PPP6C: variants seen among roughly 807,000 people sequenced by gnomAD.
The protein encoded by PPP6C is protein phosphatase 6 catalytic subunit.
Under a neutral mutation model 39.8 loss-of-function variants are expected in PPP6C, and 11 were observed. The ratio of observed to expected loss-of-function variants is 0.28; its 90% CI spans 0.17 to 0.46. PPP6C has a LOEUF of 0.46. PPP6C is among the 20% of genes least tolerant of loss of function. The probability of loss-of-function intolerance (pLI) is 1.00; values close to 1 mark genes in which losing one functional copy is unlikely to be tolerated. For missense variants in PPP6C, 211 were observed against 373.9 expected, an observed-to-expected ratio of 0.56 and a Z score of 3.59; for synonymous variants, 129 against 130.3, an observed-to-expected ratio of 0.99 and a Z score of 0.07.
chr9:125,166,829 C>T (rs1013345025), intron 2 of PPP6C, among the ~76,000 whole-genome samples: 1 of 152,082 alleles, frequency 6.6e-6, no homozygotes, highest in Non-Finnish European at 1.5e-5. Flanking sequence ...ACTACTTTTC[C>T]TTGAGTAAAC....
At chr9:125,183,911 A>G (rs548524199) in intron 1 of PPP6C, among the ~76,000 whole-genome samples, 60 of 152,234 alleles carry the variant, frequency 3.9e-4, no homozygotes, top group Non-Finnish European at 5.9e-4. Flanking sequence ...CAAGTATCCA[A>G]TTCTGCCCCT....
chr9:125,160,595 T>C (rs1027022200), intron 3 of PPP6C, among the ~76,000 whole-genome samples: 62 of 152,230 alleles, frequency 4.1e-4, no homozygotes, highest in African/African-American at 1.4e-3. Flanking sequence ...TTGGTCCTCC[T>C]TGCCTTCTGC....
At chr9:125,167,992 G>A (rs1012343217) in intron 2 of PPP6C, among the ~76,000 whole-genome samples, 2 of 152,196 alleles carry the variant, frequency 1.3e-5, no homozygotes, top group African/African-American at 4.8e-5. Context: ...AGGATTGAGA[G>A]TTAAGTGAAA....
At chr9:125,182,911 G>A (rs996308381) in intron 1 of PPP6C, among the ~76,000 whole-genome samples, 1 of 151,828 alleles carries the variant, frequency 6.6e-6, no homozygotes. Context: ...TTAGAACAGT[G>A]TTTAGAGCAC....
chr9:125,162,433 G>A (rs1828898086), intron 2 of PPP6C, among the ~76,000 whole-genome samples: 1 of 141,958 alleles, frequency 7.0e-6, no homozygotes, highest in Non-Finnish European at 1.5e-5. Flanking sequence ...ACTCCAGCCT[G>A]GGCAACAGAG....
At chr9:125,155,106 A>G (rs1188838726) in intron 4 of PPP6C, among the ~76,000 whole-genome samples, 1 of 151,994 alleles carries the variant, frequency 6.6e-6, no homozygotes, top group Admixed American at 6.6e-5. Flanking sequence ...GGATCTCCCT[A>G]TGTTGTCCAG....
At chr9:125,182,686 T>G (rs1222635130) in intron 1 of PPP6C, among the ~76,000 whole-genome samples, 1 of 150,504 alleles carries the variant, frequency 6.6e-6, no homozygotes. Flanking sequence ...CACTACTAAT[T>G]ATTCATTGCA....
intron 6 of PPP6C, chr9:125,151,605 G>A (rs1381330332): frequency 6.8e-6 from 5 of 739,554 alleles, no homozygotes; most frequent in South Asian, 1.4e-5. Flanking sequence ...AGTAACTTCT[G>A]AGGCTTTTTA....
At chr9:125,151,712 C>T in intron 6 of PPP6C, 1 of 437,402 alleles carries the variant, frequency 2.3e-6, no homozygotes, top group Non-Finnish European at 4.3e-6. Flanking sequence ...CTATATCCCA[C>T]ATCAGGTATA....
intron 2 of PPP6C, among the ~76,000 whole-genome samples, chr9:125,163,816 T>G (rs879482580): frequency 2.0e-5 from 3 of 151,986 alleles, no homozygotes; most frequent in Non-Finnish European, 4.4e-5. Flanking sequence ...CAGTGATACA[T>G]AGGTTCCCAT....
At position 125,149,695 on chromosome 9, in the gene PPP6C, G is replaced by A. The variant is rs144776498; in HGVS notation, c.896C>T (p.Thr299Met). Residue 299 changes from threonine (T) to methionine (M), a missense_variant, in exon 7 of 7, where the codon ACG becomes ATG. By Grantham distance (81) the Thr-to-Met change is moderately conservative. Coordinates refer to ENST00000373547, the MANE Select transcript of PPP6C (RefSeq NM_002721.5). ...GCCTCAAAGGAAATATGGCGTTGTC[G>A]TTCTGGGAGGAATAACACGTTCTGA... ...PDSERVIPPR[T>M]TTPYFL 6.0e-5 allele frequency: 97 copies of A among 1,613,946 alleles called. No individual in the cohort carries two copies. Among genetic ancestry groups the A allele is most frequent in the Non-Finnish European group, 8.1e-5 (96 of 1,179,972 alleles).
chr9:125,171,476 CACATATAT>C (rs1312924790), intron 1 of PPP6C, among the ~76,000 whole-genome samples: 501 of 57,112 alleles, frequency 8.8e-3, no homozygotes, highest in African/African-American at 0.019. Flanking sequence ...CACACACACA[CACATATAT>C]ATATATATAT....
At chr9:125,174,115 T>C (rs1018597131) in intron 1 of PPP6C, among the ~76,000 whole-genome samples, 1 of 152,146 alleles carries the variant, frequency 6.6e-6, no homozygotes, top group African/African-American at 2.4e-5. Flanking sequence ...GAGACCAGTT[T>C]GTACTATTGC....
intron 2 of PPP6C, among the ~76,000 whole-genome samples, chr9:125,163,070 C>T (rs552381764): frequency 1.3e-5 from 2 of 151,694 alleles, no homozygotes; most frequent in South Asian, 4.2e-4. Flanking sequence ...CACAGCAAGA[C>T]TCTGTCTCAA....
At chr9:125,188,961 G>C (rs1033150818) in intron 1 of PPP6C, 3 of 1,544,194 alleles carry the variant, frequency 1.9e-6, no homozygotes, top group African/African-American at 2.7e-5. Context: ...AGTTAAGAAG[G>C]GGTTAAGGAG....
At chr9:125,153,165 C>G (rs955372651) in intron 6 of PPP6C, among the ~76,000 whole-genome samples, 11 of 151,876 alleles carry the variant, frequency 7.2e-5, no homozygotes, top group African/African-American at 2.7e-4. Context: ...CCCAGCTACT[C>G]AGGAGGCTGA....
intron 1 of PPP6C, among the ~76,000 whole-genome samples, chr9:125,175,707 A>G (rs985751559): frequency 3.9e-5 from 6 of 152,162 alleles, no homozygotes; most frequent in East Asian, 1.9e-4. Context: ...ATAATAAAAG[A>G]TGTTACTTAA....
At chr9:125,171,478 CATATATAT>C (rs59002869) in intron 1 of PPP6C, among the ~76,000 whole-genome samples, 6,318 of 83,528 alleles carry the variant, frequency 0.076, 259 homozygotes, top group Admixed American at 0.091. Context: ...CACACACACA[CATATATAT>C]ATATATATAT....
chr9:125,156,091 GA>G (rs1461899539), intron 4 of PPP6C, among the ~76,000 whole-genome samples: 2 of 151,874 alleles, frequency 1.3e-5, no homozygotes, highest in African/African-American at 4.8e-5. Flanking sequence ...TTTTGCAAAA[GA>G]ATCCAAAAGT....
Sources: gnomAD v4.1 joint callset for allele counts (sites outside exome capture counted in the v4.1 genomes callset) on GRCh38, gnomAD v4.1.1 for gene constraint, MANE v1.5 for transcripts, NCBI Gene and HGNC (gene_info 2026-07-23, HGNC 2026-07-21) for gene names.